PCDH15: variants seen among roughly 807,000 people sequenced by gnomAD.
PCDH15 encodes the protein protocadherin-15.
In PCDH15, 129 loss-of-function variants were observed where a neutral mutation model predicts 178.5. The ratio of observed to expected loss-of-function variants is 0.72; its 90% CI spans 0.63 to 0.84. PCDH15 has a LOEUF of 0.84. PCDH15 is among the 40% of genes least tolerant of loss of function. PCDH15 has a pLI of 0.00. For synonymous variants in PCDH15, 800 were observed against 732.0 expected (o/e 1.09, Z -1.50); for missense variants, 2,230 against 2,099.9 (o/e 1.06, Z -1.21).
intron 15 of PCDH15, among the ~76,000 whole-genome samples, chr10:54,123,088 A>T (rs1438814000): frequency 1.3e-5 from 2 of 152,170 alleles, no homozygotes; most frequent in African/African-American, 4.8e-5. Flanking sequence ...CCTAGGAAAC[A>T]CTATTCTGGA....
chr10:54,786,500 G>A (rs377338696), intron 1 of PCDH15, among the ~76,000 whole-genome samples: 58 of 152,082 alleles, frequency 3.8e-4, no homozygotes, highest in African/African-American at 1.2e-3. Flanking sequence ...GTTTATAGAA[G>A]TCAAAGACAT....
chr10:54,013,490 T>C (rs534614689), intron 20 of PCDH15, among the ~76,000 whole-genome samples: 5 of 152,250 alleles, frequency 3.3e-5, no homozygotes, highest in Non-Finnish European at 5.9e-5. Context: ...TACTTTAAAA[T>C]TGACCACACA....
intron 3 of PCDH15, among the ~76,000 whole-genome samples, chr10:54,823,514 G>A (rs1163873666): frequency 1.3e-5 from 2 of 152,056 alleles, no homozygotes; most frequent in African/African-American, 4.8e-5. Flanking sequence ...TGTGAAATAA[G>A]CATTTTTATA....
At chr10:53,825,180 GA>G in intron 32 of PCDH15, 1 of 1,515,868 alleles carries the variant, frequency 6.6e-7, no homozygotes, top group East Asian at 2.4e-5. Flanking sequence ...ACATGTGATA[GA>G]AAAAAAGAAG....
chr10:54,278,100 T>C (rs973352633), intron 8 of PCDH15, among the ~76,000 whole-genome samples: 8 of 151,540 alleles, frequency 5.3e-5, no homozygotes, highest in Admixed American at 1.3e-4. Context: ...AAAGATAAAA[T>C]AGTAATAAAA....
Position 55,367,127 on chromosome 10 carries a change from TCTTC to T in PCDH15, c.-155-200480_-155-200477del, listed in dbSNP as rs577383841. On this transcript the variant is annotated intron_variant, in intron 2 of 5. Transcript: ENST00000613346. Reference sequence around the variant, plus strand: ...CAGGGTTTGTGAGGTTTTCCCCTCTTCTTCCTTCCCTCTCCCATATTTTCTCATT... The same window carrying T: ...CAGGGTTTGTGAGGTTTTCCCCTCTTCTTCCCTCTCCCATATTTTCTCATT... Among the ~76,000 whole-genome samples, 63 of 152,272 alleles carry T rather than the reference TCTTC, an allele frequency of 4.1e-4. No homozygotes were observed. The East Asian group carries it at 9.6e-3, about 23-fold the overall frequency.
chr10:54,189,789 A>G (rs910052657), intron 11 of PCDH15, among the ~76,000 whole-genome samples: 1 of 152,114 alleles, frequency 6.6e-6, no homozygotes, highest in African/African-American at 2.4e-5. Flanking sequence ...GTGGTCTCAG[A>G]CATGCCTCTT....
intron 10 of PCDH15, among the ~76,000 whole-genome samples, chr10:54,204,028 C>A (rs1452491091): frequency 6.6e-6 from 1 of 152,110 alleles, no homozygotes; most frequent in Non-Finnish European, 1.5e-5. Context: ...AATATGTTTA[C>A]TTAAGCTTTC....
intron 36 of PCDH15, among the ~76,000 whole-genome samples, chr10:53,810,932 G>GA (rs1206902509): frequency 6.6e-6 from 1 of 152,026 alleles, no homozygotes; most frequent in Non-Finnish European, 1.5e-5. Flanking sequence ...ACTAGAACGA[G>GA]AAAAAAGCCA....
chr10:54,296,018 G>A lies in PCDH15; in HGVS notation c.876+21253C>T, dbSNP rs372959297. ...AAATTAGCCGGGCGTAGTGGCGGGCGCCTGTGGTCCCAGCTACTTGGGAGG... is the reference window on the plus strand; with the variant it reads ...AAATTAGCCGGGCGTAGTGGCGGGCACCTGTGGTCCCAGCTACTTGGGAGG... On this transcript the variant is annotated intron_variant, in intron 8 of 37. Coordinates refer to ENST00000644397, the MANE Select transcript of PCDH15 (RefSeq NM_001384140.1). Among the ~76,000 whole-genome samples the A allele has an allele frequency of 5.3e-5, 8 of 149,762 alleles. No homozygotes were observed. In the East Asian group the frequency reaches 7.9e-4, roughly 15 times the overall value.
chr10:55,094,540 A>T (rs186132111), intron 2 of PCDH15, among the ~76,000 whole-genome samples: 5 of 152,256 alleles, frequency 3.3e-5, no homozygotes, highest in Admixed American at 2.6e-4. Context: ...TTAAAGTATA[A>T]TAAAAAATAA....
chr10:54,595,988 C>T (rs1285625215), intron 2 of PCDH15, among the ~76,000 whole-genome samples: 2 of 152,026 alleles, frequency 1.3e-5, no homozygotes, highest in South Asian at 2.1e-4. Context: ...AATATTATGA[C>T]TCATTGGTGT....
chr10:54,176,857 C>G (rs2047489491), intron 13 of PCDH15, among the ~76,000 whole-genome samples: 1 of 152,044 alleles, frequency 6.6e-6, no homozygotes, highest in African/African-American at 2.4e-5. Context: ...TAGAAGACAG[C>G]TTCTCAGTTT....
intron 2 of PCDH15, among the ~76,000 whole-genome samples, chr10:55,615,470 G>T (rs1256756659): frequency 6.6e-6 from 1 of 152,080 alleles, no homozygotes; most frequent in Non-Finnish European, 1.5e-5. Flanking sequence ...CAATAAATGG[G>T]ATAATTTATA....
intron 2 of PCDH15, among the ~76,000 whole-genome samples, chr10:55,497,792 T>C (rs549452091): frequency 6.6e-6 from 1 of 152,024 alleles, no homozygotes; most frequent in Non-Finnish European, 1.5e-5. Flanking sequence ...CTTGAATTCA[T>C]TTATTTCACA....
At chr10:55,604,287 T>A (rs1372980286) in intron 2 of PCDH15, among the ~76,000 whole-genome samples, 4 of 112,418 alleles carry the variant, frequency 3.6e-5, no homozygotes, top group South Asian at 3.7e-4. Context: ...CTCCCACACA[T>A]TAATAATGGG....
intron 1 of PCDH15, among the ~76,000 whole-genome samples, chr10:55,300,909 T>C (rs1843259984): frequency 6.6e-6 from 1 of 152,176 alleles, no homozygotes; most frequent in Admixed American, 6.5e-5. Context: ...GATGTAGGCA[T>C]CTATAGAATA....
intron 14 of PCDH15, among the ~76,000 whole-genome samples, chr10:54,144,409 A>G (rs1044404476): frequency 5.3e-5 from 8 of 152,052 alleles, no homozygotes; most frequent in Admixed American, 4.6e-4. Flanking sequence ...AACCACTTGC[A>G]GCCTCTCAAA....
At chr10:54,488,772 G>C (rs1003178284) in intron 3 of PCDH15, among the ~76,000 whole-genome samples, 1 of 151,882 alleles carries the variant, frequency 6.6e-6, no homozygotes, top group Non-Finnish European at 1.5e-5. Flanking sequence ...GGAAGTCATA[G>C]TTTTTGGAAA....
Sources: gnomAD v4.1 joint callset for allele counts (sites outside exome capture counted in the v4.1 genomes callset) on GRCh38, gnomAD v4.1.1 for gene constraint, MANE v1.5 for transcripts, NCBI Gene and HGNC (gene_info 2026-07-23, HGNC 2026-07-21) for gene names.